The following WDR37 variants were observed in gnomAD, a reference collection of about 807,000 sequenced individuals.
WDR37 encodes WD repeat domain 37.
In WDR37, 19 loss-of-function variants were observed where a neutral mutation model predicts 62.9. The ratio of observed to expected loss-of-function variants is 0.30; its 90% CI spans 0.21 to 0.44. WDR37 has a LOEUF of 0.44. WDR37 is among the 20% of genes least tolerant of loss of function. The pLI, the probability that WDR37 is intolerant of heterozygous loss-of-function variation, is 1.00. For synonymous variants in WDR37, 250 were observed against 260.9 expected (o/e 0.96, Z 0.40); for missense variants, 474 against 657.6 (o/e 0.72, Z 3.05).
chr10:1,111,056 T>C (rs1835202307), intron 11 of WDR37, among the ~76,000 whole-genome samples: 1 of 152,228 alleles, frequency 6.6e-6, no homozygotes, highest in Non-Finnish European at 1.5e-5. Flanking sequence ...GAAAGTTATA[T>C]GCATGGTGTT....
At chr10:1,094,067 C>T (rs181504189) in intron 8 of WDR37, among the ~76,000 whole-genome samples, 51 of 152,312 alleles carry the variant, frequency 3.3e-4, no homozygotes, top group African/African-American at 1.2e-3. Flanking sequence ...CACAGATCCC[C>T]ATGATAGCCC....
rs1016557777 is a variant in WDR37 at position 1,076,931 on chromosome 10, C to T, written c.139-976C>T. On this transcript the variant is annotated intron_variant, in intron 2 of 13. Transcript: ENST00000263150. The stretch of plus-strand genomic sequence containing the variant: ...AGGAGAATTGCTTGAACCTGGGAGG[C>T]GGAGCTTGCAGTGAGCCGAGACCAC... Among the ~76,000 whole-genome samples, 11 of 142,752 alleles carry T rather than the reference C, an allele frequency of 7.7e-5. No individual in the cohort carries two copies. The South Asian group carries it at 8.9e-4, about 11-fold the overall frequency. 93.7% of individuals were successfully genotyped at this position (142,752 alleles called of 152,430 possible).
chr10:1,072,361 C>G, intron 2 of WDR37, 68 bp downstream of exon 2: 1 of 1,584,484 alleles, frequency 6.3e-7, no homozygotes, highest in Non-Finnish European at 8.6e-7. Flanking sequence ...CTCGTTTCCC[C>G]GGCTGGAGTG....
intron 11 of WDR37, among the ~76,000 whole-genome samples, chr10:1,120,085 T>C (rs78460526): frequency 0.013 from 1,961 of 152,358 alleles, 18 homozygotes; most frequent in Non-Finnish European, 0.019. Context: ...AAATGTGTCT[T>C]ATTTGAATGT....
chr10:1,095,931 T>C (rs1834560120), intron 8 of WDR37, among the ~76,000 whole-genome samples: 1 of 152,250 alleles, frequency 6.6e-6, no homozygotes, highest in African/African-American at 2.4e-5. Context: ...TATGCTAAAA[T>C]GAAAGGTGAA....
Position 1,121,819 on chromosome 10 carries a change from A to G in WDR37, c.1104-2399A>G, listed in dbSNP as rs544503654. On this transcript the variant is annotated intron_variant, in intron 11 of 13. Coordinates refer to ENST00000263150, the MANE Select transcript of WDR37 (RefSeq NM_014023.4). This position sits in a 1 kb window ranked among gnomAD's most constrained non-coding sequence, Gnocchi z 4.5. ...CACCGCAGCTGTGGGCACCACGACC[A>G]GGCCTTTGAGAATGCAGACGTGAAA... is the stretch of plus-strand genomic sequence containing the variant. Among the ~76,000 whole-genome samples the G allele has an allele frequency of 3.3e-5, 5 of 151,786 alleles. No individual in the cohort carries two copies. Among genetic ancestry groups the G allele is most frequent in the Admixed American group, 1.3e-4 (2 of 15,186 alleles).
At chr10:1,106,036 C>T (rs185015007) in intron 11 of WDR37, among the ~76,000 whole-genome samples, 167 of 152,230 alleles carry the variant, frequency 1.1e-3, no homozygotes, top group African/African-American at 3.9e-3. Context: ...CCGCCTGTCT[C>T]GGCCTCCCAA....
chr10:1,124,192 T>A (rs1297127779), intron 11 of WDR37, 26 bp from the exon 12 acceptor site: 1 of 1,613,820 alleles, frequency 6.2e-7, no homozygotes, highest in South Asian at 1.1e-5. Flanking sequence ...TGCTGTTGCA[T>A]CTGACTCTGT....
Position 1,105,061 on chromosome 10 carries a change from T to C in WDR37, c.962-65T>C. On this transcript the variant is annotated intron_variant, in intron 10 of 13. Transcript: ENST00000263150. This position sits in a 1 kb window ranked among gnomAD's most constrained non-coding sequence, Gnocchi z 5.3. ...ACGGCTTCTTGGGTTCTTGTGCTGTTGAAAAGCGTCTCTCTCAGCGTGCTC... is the reference window on the plus strand; with the variant it reads ...ACGGCTTCTTGGGTTCTTGTGCTGTCGAAAAGCGTCTCTCTCAGCGTGCTC... 6.3e-7 allele frequency: 1 copy of C among 1,587,040 alleles called. No homozygotes were observed. Among genetic ancestry groups the C allele is most frequent in the East Asian group, 2.3e-5 (1 of 44,314 alleles).
chr10:1,072,217 A>G lies in WDR37; in HGVS notation c.62A>G (p.His21Arg). ...ARQTKQKRKS[H>R]SLSIRRTNSS... ...CAAACAAAACAGAAGCGCAAATCCC[A>G]TAGCCTTTCTATACGAAGAACTAAC... The change falls in exon 2 of 14, where the codon CAT becomes CGT. Residue 21 changes from histidine (H) to arginine (R), a missense_variant. Coordinates refer to ENST00000263150, the MANE Select transcript of WDR37 (RefSeq NM_014023.4). 1 of 1,614,228 alleles carries G rather than the reference A, an allele frequency of 6.2e-7. No homozygotes were observed. The highest frequency in any genetic ancestry group is 8.5e-7 in the Non-Finnish European group (1 of 1,180,044).
At chr10:1,124,786 G>C in intron 12 of WDR37, 124 bp from the exon 13 acceptor site, 1 of 1,260,824 alleles carries the variant, frequency 7.9e-7, no homozygotes, top group Non-Finnish European at 1.1e-6. Flanking sequence ...GGTACACGCA[G>C]TGTGTTCATG....
chr10:1,101,845 CTG>C (rs1834816567), intron 9 of WDR37, among the ~76,000 whole-genome samples: 1 of 152,198 alleles, frequency 6.6e-6, no homozygotes, highest in Non-Finnish European at 1.5e-5. Flanking sequence ...CTCAGTAATT[CTG>C]TGTGAAATAG....
At chr10:1,069,195 G>GT (rs1280454443) in intron 1 of WDR37, among the ~76,000 whole-genome samples, 1 of 151,804 alleles carries the variant, frequency 6.6e-6, no homozygotes, top group Non-Finnish European at 1.5e-5. Flanking sequence ...GTCTTACATG[G>GT]TGTGTGAATC....
At chr10:1,120,214 G>A (rs567118683) in intron 11 of WDR37, among the ~76,000 whole-genome samples, 60 of 152,354 alleles carry the variant, frequency 3.9e-4, no homozygotes, top group Non-Finnish European at 5.6e-4. Flanking sequence ...GAGACCCCGA[G>A]TGTGCATTTG....
At chr10:1,090,855 T>C in intron 7 of WDR37, among the ~76,000 whole-genome samples, 1 of 152,204 alleles carries the variant, frequency 6.6e-6, no homozygotes, top group Non-Finnish European at 1.5e-5. Context: ...GCTCCCCTCG[T>C]GGCCACTGTG....
intron 7 of WDR37, among the ~76,000 whole-genome samples, chr10:1,089,907 G>A (rs1209497034): frequency 6.6e-6 from 1 of 152,204 alleles, no homozygotes; most frequent in Non-Finnish European, 1.5e-5. Flanking sequence ...CTGGCACGTT[G>A]TCGTGTTGCG....
chr10:1,065,008 T>A (rs2131605861), intron 1 of WDR37, among the ~76,000 whole-genome samples: 1 of 152,254 alleles, frequency 6.6e-6, no homozygotes, highest in East Asian at 1.9e-4. Flanking sequence ...AGTGAAAACT[T>A]CCTTCACATG....
At chr10:1,079,357 T>G (rs556401485) in intron 3 of WDR37, among the ~76,000 whole-genome samples, 3 of 151,082 alleles carry the variant, frequency 2.0e-5, no homozygotes, top group South Asian at 4.1e-4. Context: ...ATTGTTGGGA[T>G]TACAGGCATG....
chr10:1,091,990 C>G (rs1834404098), intron 7 of WDR37, among the ~76,000 whole-genome samples: 1 of 149,146 alleles, frequency 6.7e-6, no homozygotes, highest in Non-Finnish European at 1.5e-5. Context: ...ACCATCTTGG[C>G]TAACACGGTG....
Sources: allele counts gnomAD v4.1 joint callset (sites outside exome capture counted in the v4.1 genomes callset), GRCh38; gene constraint gnomAD v4.1.1; non-coding constraint Gnocchi (gnomAD v3.1); transcripts MANE v1.5; gene names NCBI Gene and HGNC (gene_info 2026-07-23, HGNC 2026-07-21).